Variants in CCDC171 observed in about 807,000 individuals in gnomAD.
CCDC171 encodes the protein coiled-coil domain-containing protein 171.
In CCDC171, 177 loss-of-function variants were observed where a neutral mutation model predicts 168.2. The ratio of observed to expected loss-of-function variants is 1.05; its 90% CI spans 0.93 to 1.19. CCDC171 has a LOEUF of 1.19. Among genes scored for constraint, CCDC171 ranks in the 50% most tolerant of loss-of-function variants. The pLI, the probability that CCDC171 is intolerant of heterozygous loss-of-function variation, is 0.00. For synonymous variants in CCDC171, 687 were observed against 540.8 expected (o/e 1.27, Z -3.75); for missense variants, 1,991 against 1,539.0 (o/e 1.29, Z -4.91).
chr9:15,694,515 C>A (rs148148183), intron 10 of CCDC171, among the ~76,000 whole-genome samples: 5 of 152,134 alleles, frequency 3.3e-5, no homozygotes, highest in Non-Finnish European at 5.9e-5. Flanking sequence ...ACAAAAATAG[C>A]CAAAACGAGA....
chr9:15,896,331 C>A (rs533466086), intron 24 of CCDC171, among the ~76,000 whole-genome samples: 1 of 152,000 alleles, frequency 6.6e-6, no homozygotes, highest in Non-Finnish European at 1.5e-5. Context: ...AAAAAGTCTG[C>A]TGCAAAAGTG....
chr9:15,842,283 TGGTC>T, intron 21 of CCDC171, among the ~76,000 whole-genome samples: 5 of 152,160 alleles, frequency 3.3e-5, no homozygotes, highest in Admixed American at 3.3e-4. Flanking sequence ...AGCGGCCTAA[TGGTC>T]TAAAGCACTG....
downstream of CCDC171, among the ~76,000 whole-genome samples, chr9:15,975,081 A>G (rs1009641464): frequency 4.6e-5 from 7 of 152,106 alleles, no homozygotes; most frequent in Non-Finnish European, 8.8e-5. Context: ...TGCACTTTTT[A>G]TAGACAAGTT....
intron 8 of CCDC171, 164 bp downstream of exon 8, chr9:15,657,383 G>A: frequency 2.1e-6 from 1 of 467,062 alleles, no homozygotes; most frequent in Non-Finnish European, 4.0e-6. Context: ...GTTGAGATAT[G>A]CTACCTTAGT....
chr9:15,822,441 A>G (rs947261658), intron 21 of CCDC171, among the ~76,000 whole-genome samples: 8 of 151,962 alleles, frequency 5.3e-5, no homozygotes, highest in Non-Finnish European at 1.0e-4. Flanking sequence ...TCATCTGACA[A>G]AGGGCTAATA....
chr9:15,757,999 C>T (rs762052225), intron 18 of CCDC171, among the ~76,000 whole-genome samples: 7 of 152,156 alleles, frequency 4.6e-5, no homozygotes, highest in Non-Finnish European at 8.8e-5. Context: ...TTATAGAGAA[C>T]CTCTGCTAGG....
intron 18 of CCDC171, among the ~76,000 whole-genome samples, chr9:15,766,787 C>G (rs113675595): frequency 1.3e-5 from 2 of 152,126 alleles, no homozygotes; most frequent in African/African-American, 2.4e-5. Flanking sequence ...TCCTGAGTAT[C>G]TAGGACTACA....
chr9:16,035,476 C>T (rs746158496), exon 7 of CCDC171: 3 of 152,104 alleles, frequency 2.0e-5, no homozygotes, highest in Non-Finnish European at 4.4e-5. Context: ...CGAATGTCAC[C>T]ACCTGTGACA....
intron 2 of CCDC171, 152 bp downstream of exon 2, chr9:15,564,281 T>G (rs2039547788): frequency 3.5e-6 from 2 of 571,756 alleles, no homozygotes; most frequent in Non-Finnish European, 6.2e-6. Flanking sequence ...GAATGAAGCC[T>G]CATAAGAATT....
At chr9:15,712,676 C>G (rs10756695) in intron 11 of CCDC171, among the ~76,000 whole-genome samples, 54,928 of 152,032 alleles carry the variant, frequency 0.36, 12,369 homozygotes, top group East Asian at 0.66. Flanking sequence ...ATGAAAGTTA[C>G]TCAGTGTGAT....
chr9:15,830,879 T>A (rs1033187512), intron 21 of CCDC171, among the ~76,000 whole-genome samples: 4 of 152,138 alleles, frequency 2.6e-5, no homozygotes, highest in African/African-American at 9.7e-5. Flanking sequence ...GCCTGTAAAG[T>A]TGAATAATTC....
At chr9:15,580,201 C>G (rs2041002243) in intron 4 of CCDC171, among the ~76,000 whole-genome samples, 1 of 152,118 alleles carries the variant, frequency 6.6e-6, no homozygotes, top group Non-Finnish European at 1.5e-5. Context: ...TATCTCTCAC[C>G]TTATATAAAA....
At chr9:16,089,730 A>G in the CCDC171 span, among the ~76,000 whole-genome samples, 10 of 151,860 alleles carry the variant, frequency 6.6e-5, no homozygotes, top group East Asian at 1.9e-3. Context: ...ACTTAAACAA[A>G]TTTACAAGAA....
chr9:15,630,385 G>A (rs2045576106), intron 7 of CCDC171, among the ~76,000 whole-genome samples: 1 of 152,134 alleles, frequency 6.6e-6, no homozygotes, highest in African/African-American at 2.4e-5. Flanking sequence ...CCTAGTCTCT[G>A]ATAAAACAGA....
intron 10 of CCDC171, among the ~76,000 whole-genome samples, chr9:15,687,903 G>A (rs997356815): frequency 8.5e-5 from 13 of 152,128 alleles, no homozygotes; most frequent in African/African-American, 3.1e-4. Context: ...GGCAGATCAT[G>A]AGGTTAGGAG....
intron 24 of CCDC171, among the ~76,000 whole-genome samples, chr9:15,891,897 A>T (rs1480454022): frequency 6.6e-6 from 1 of 152,142 alleles, no homozygotes; most frequent in Non-Finnish European, 1.5e-5. Context: ...GGAATCACTG[A>T]GTACCAGCAT....
chr9:15,675,658 C>A (rs189757768), intron 9 of CCDC171, among the ~76,000 whole-genome samples: 10 of 152,244 alleles, frequency 6.6e-5, no homozygotes, highest in Admixed American at 5.9e-4. Flanking sequence ...ATATGAAATT[C>A]TGGGTTGAAA....
At chr9:15,561,674 A>G (rs966352930) in intron 1 of CCDC171, among the ~76,000 whole-genome samples, 1 of 152,092 alleles carries the variant, frequency 6.6e-6, no homozygotes, top group African/African-American at 2.4e-5. Flanking sequence ...GCCATGCTCG[A>G]TTGCATGGGA....
At chr9:15,611,399 C>G (rs2043680787) in intron 6 of CCDC171, among the ~76,000 whole-genome samples, 1 of 152,166 alleles carries the variant, frequency 6.6e-6, no homozygotes, top group Non-Finnish European at 1.5e-5. Context: ...GAATGAGGCA[C>G]TAAAAAGATG....
Sources: allele counts gnomAD v4.1 joint callset (sites outside exome capture counted in the v4.1 genomes callset), GRCh38; gene constraint gnomAD v4.1.1; transcripts MANE v1.5; gene names NCBI Gene and HGNC (gene_info 2026-07-23, HGNC 2026-07-21).